The following ADCY2 variants were observed in gnomAD, a reference collection of about 807,000 sequenced individuals.
ADCY2 encodes the protein adenylate cyclase type 2.
In ADCY2, 31 loss-of-function variants were observed where a neutral mutation model predicts 125.2. The observed-to-expected ratio is 0.25, with a 90% CI of 0.19 to 0.33. ADCY2 has a LOEUF of 0.33. Ranked by LOEUF, ADCY2 falls within the 10% of genes least tolerant of loss-of-function variation. The pLI is 1.00. For missense variants in ADCY2, 904 were observed against 1,418.2 expected, an observed-to-expected ratio of 0.64 and a Z score of 5.82; for synonymous variants, 512 against 548.4, an observed-to-expected ratio of 0.93 and a Z score of 0.93.
intron 3 of ADCY2, among the ~76,000 whole-genome samples, chr5:7,559,647 C>T (rs1253159915): frequency 2.0e-5 from 3 of 152,160 alleles, no homozygotes; most frequent in Admixed American, 2.0e-4. Flanking sequence ...TTCCCCTCTT[C>T]CTATTTGGAT....
intron 2 of ADCY2, among the ~76,000 whole-genome samples, chr5:7,507,008 C>T (rs1424128058): frequency 6.0e-5 from 9 of 148,982 alleles, no homozygotes; most frequent in African/African-American, 2.0e-4. Context: ...AGGATGGTCT[C>T]GATCTCCTGA....
chr5:7,717,042 C>A, intron 11 of ADCY2, 115 bp from the exon 12 acceptor site: 1 of 649,948 alleles, frequency 1.5e-6, no homozygotes, highest in Non-Finnish European at 2.7e-6. Flanking sequence ...ATGCATGCAA[C>A]AAAATGTCAT....
intron 2 of ADCY2, among the ~76,000 whole-genome samples, chr5:7,458,779 A>C (rs913429213): frequency 4.6e-5 from 7 of 152,352 alleles, no homozygotes; most frequent in East Asian, 1.9e-4. Flanking sequence ...GATAGTACAC[A>C]AAACAAAGAA....
At chr5:7,675,126 C>A (rs1740077646) in intron 4 of ADCY2, among the ~76,000 whole-genome samples, 1 of 150,752 alleles carries the variant, frequency 6.6e-6, no homozygotes, top group South Asian at 2.1e-4. Context: ...CCACTGCAGT[C>A]CGGCCTGGGT....
At chr5:7,674,959 T>C (rs1438208680) in intron 4 of ADCY2, among the ~76,000 whole-genome samples, 2 of 151,968 alleles carry the variant, frequency 1.3e-5, no homozygotes, top group African/African-American at 2.4e-5. Flanking sequence ...ATCGAGACCA[T>C]CCTGGCTAAC....
intron 3 of ADCY2, among the ~76,000 whole-genome samples, chr5:7,525,950 C>T (rs1203351842): frequency 1.3e-5 from 2 of 152,170 alleles, no homozygotes; most frequent in African/African-American, 2.4e-5. Flanking sequence ...CCCCTGCAAG[C>T]ATGTTCCCCT....
At chr5:7,714,028 T>C (rs756133206) in intron 11 of ADCY2, among the ~76,000 whole-genome samples, 2 of 152,244 alleles carry the variant, frequency 1.3e-5, no homozygotes, top group Non-Finnish European at 1.5e-5. Flanking sequence ...TTGGACTTCA[T>C]GCAAAATTTG....
At chr5:7,702,225 C>CTTTT (rs67174135) in intron 7 of ADCY2, among the ~76,000 whole-genome samples, 4 of 131,166 alleles carry the variant, frequency 3.0e-5, no homozygotes, top group African/African-American at 5.7e-5. Context: ...AACCCTGTTT[C>CTTTT]TTTTTTTTTT....
rs112118320 is a variant in ADCY2, at chr5:7,459,853, C to T, written c.408+45083C>T. On this transcript the variant is annotated intron_variant, in intron 2 of 24. Transcript: ENST00000338316. ...CCAGGCTGGAGTGCAGTGGCGCGATCGCGGCTCACTGCAAGCTCTGCCTCC... is the reference window on the plus strand; with the variant it reads ...CCAGGCTGGAGTGCAGTGGCGCGATTGCGGCTCACTGCAAGCTCTGCCTCC... 1.5e-3 allele frequency among the ~76,000 whole-genome samples: 187 copies of T among 127,312 alleles called. 1 individual carries two copies. The highest frequency in any genetic ancestry group is 5.0e-3 in the African/African-American group (169 of 33,950). The allele number at this position is 127,312 out of a possible 152,430, so 83.5% of individuals were successfully genotyped here. A position where few individuals can be genotyped will look rare whatever the true frequency, so the allele number is the denominator to read the frequency against.
At chr5:7,773,737 T>C (rs527708747) in intron 18 of ADCY2, among the ~76,000 whole-genome samples, 5 of 152,326 alleles carry the variant, frequency 3.3e-5, no homozygotes, top group Admixed American at 6.5e-5. Context: ...CAAGAAAATA[T>C]ATGGTTGCTT....
At chr5:7,761,223 C>T (rs1743199091) in intron 16 of ADCY2, among the ~76,000 whole-genome samples, 1 of 124,506 alleles carries the variant, frequency 8.0e-6, no homozygotes, top group Admixed American at 1.1e-4. Context: ...GATCTTGGCT[C>T]ACTGCAACCT....
At chr5:7,818,947 C>T (rs115446100) in intron 23 of ADCY2, among the ~76,000 whole-genome samples, 1 of 152,056 alleles carries the variant, frequency 6.6e-6, no homozygotes, top group Non-Finnish European at 1.5e-5. Context: ...GAAGTATTAA[C>T]TCACACAATC....
intron 2 of ADCY2, among the ~76,000 whole-genome samples, chr5:7,499,579 A>G (rs1387046918): frequency 6.7e-6 from 1 of 150,352 alleles, no homozygotes; most frequent in Non-Finnish European, 1.5e-5. Context: ...ATATAATTTA[A>G]AGCTAACAAA....
At chr5:7,417,560 A>G (rs1422076013) in intron 2 of ADCY2, among the ~76,000 whole-genome samples, 3 of 152,188 alleles carry the variant, frequency 2.0e-5, no homozygotes, top group African/African-American at 7.2e-5. Context: ...CCAGTAATAC[A>G]ATGTTTGCTT....
At chr5:7,472,804 G>C (rs892525080) in intron 2 of ADCY2, among the ~76,000 whole-genome samples, 9 of 152,058 alleles carry the variant, frequency 5.9e-5, no homozygotes, top group African/African-American at 9.7e-5. Flanking sequence ...GGTGTGTTCT[G>C]ATTTGTTGGT....
At chr5:7,778,729 G>T (rs548962551) in intron 18 of ADCY2, among the ~76,000 whole-genome samples, 2 of 152,236 alleles carry the variant, frequency 1.3e-5, no homozygotes, top group African/African-American at 4.8e-5. Context: ...CCAATGGCTG[G>T]AATTTAGGAT....
chr5:7,665,470 G>C (rs1469947623), intron 4 of ADCY2, among the ~76,000 whole-genome samples: 3 of 152,216 alleles, frequency 2.0e-5, no homozygotes, highest in Non-Finnish European at 4.4e-5. Context: ...AAAGCAGAAA[G>C]TAGATTATCT....
chr5:7,684,603 C>G (rs1740450290), intron 4 of ADCY2, among the ~76,000 whole-genome samples: 1 of 152,176 alleles, frequency 6.6e-6, no homozygotes, highest in African/African-American at 2.4e-5. Context: ...TTTCCAGCAT[C>G]TTTTAACAAT....
intron 2 of ADCY2, among the ~76,000 whole-genome samples, chr5:7,491,993 G>T (rs184945533): frequency 7.2e-4 from 110 of 152,336 alleles, no homozygotes; most frequent in African/African-American, 2.6e-3. Flanking sequence ...TAACACAGGG[G>T]CTCTGCCCTG....
Sources: gnomAD v4.1 joint callset for allele counts (sites outside exome capture counted in the v4.1 genomes callset) on GRCh38, gnomAD v4.1.1 for gene constraint, MANE v1.5 for transcripts, NCBI Gene and HGNC (gene_info 2026-07-23, HGNC 2026-07-21) for gene names.